ARFGEF1: variants seen among roughly 807,000 people sequenced by gnomAD.
The protein encoded by ARFGEF1 is ARF guanine nucleotide exchange factor 1, also known as brefeldin A-inhibited guanine nucleotide-exchange protein 1.
ARFGEF1 carries 42 observed loss-of-function variants against 231.0 expected under a neutral mutation model. That is an observed-to-expected ratio of 0.18 (90% CI 0.14 to 0.24). The LOEUF is 0.24. Ranked by LOEUF, ARFGEF1 falls within the 10% of genes least tolerant of loss-of-function variation. ARFGEF1 has a pLI of 1.00. For synonymous variants in ARFGEF1, 710 were observed against 732.3 expected (o/e 0.97, Z 0.49); for missense variants, 1,345 against 2,192.0 (o/e 0.61, Z 7.72).
At chr8:67,339,112 T>TAATA (rs1436601708) in intron 1 of ARFGEF1, among the ~76,000 whole-genome samples, 1 of 152,180 alleles carries the variant, frequency 6.6e-6, no homozygotes. Context: ...TAATTACAGG[T>TAATA]AATAGACTCT....
At chr8:67,265,685 TTTGAG>T (rs1256801843) in intron 14 of ARFGEF1, among the ~76,000 whole-genome samples, 5 of 152,158 alleles carry the variant, frequency 3.3e-5, no homozygotes, top group African/African-American at 1.2e-4. Flanking sequence ...TTTTAAATGT[TTTGAG>T]TTGTCACATG....
intron 14 of ARFGEF1, 62 bp downstream of exon 14, chr8:67,265,944 G>A (rs1193620157): frequency 6.7e-7 from 1 of 1,501,340 alleles, no homozygotes; most frequent in Middle Eastern, 1.8e-4. Context: ...CCCACGGCAG[G>A]GGTGGCACTA....
chr8:67,219,893 G>A (rs1563844534), intron 29 of ARFGEF1, among the ~76,000 whole-genome samples: 1 of 152,160 alleles, frequency 6.6e-6, no homozygotes, highest in East Asian at 1.9e-4. Flanking sequence ...TTAATTTTGT[G>A]GCACTGTAGC....
intron 5 of ARFGEF1, chr8:67,190,820 C>T (rs1162181559): frequency 8.1e-7 from 1 of 1,231,730 alleles, no homozygotes; most frequent in Non-Finnish European, 1.2e-6. Context: ...TGGGTTCTGA[C>T]CTGTGCTAAA....
intron 1 of ARFGEF1, among the ~76,000 whole-genome samples, chr8:67,311,394 C>A (rs1183787681): frequency 7.3e-6 from 1 of 136,988 alleles, no homozygotes; most frequent in Non-Finnish European, 1.6e-5. Context: ...GCCCAGCCAG[C>A]CGCCCCGTCC....
At chr8:67,183,003 T>C (rs531261941) in intron 5 of ARFGEF1, among the ~76,000 whole-genome samples, 2 of 152,364 alleles carry the variant, frequency 1.3e-5, no homozygotes, top group Admixed American at 1.3e-4. Context: ...TTATCTTTTC[T>C]TTTGTTGCCT....
chr8:67,260,531 A>AAACAATTT (rs1239114739), intron 14 of ARFGEF1, among the ~76,000 whole-genome samples: 8 of 152,286 alleles, frequency 5.3e-5, no homozygotes, highest in Admixed American at 1.3e-4. Flanking sequence ...GGGTGACACA[A>AAACAATTT]ACCACGTCCA....
At chr8:67,199,317 TTGTC>T (rs1331676237) in intron 38 of ARFGEF1, 2 of 466,358 alleles carry the variant, frequency 4.3e-6, no homozygotes, top group Non-Finnish European at 7.4e-6. Flanking sequence ...TGAAAAACAT[TTGTC>T]TGTATATCTT....
chr8:67,190,805 A>G, intron 5 of ARFGEF1: 1 of 1,386,846 alleles, frequency 7.2e-7, no homozygotes, highest in Non-Finnish European at 1.0e-6. Flanking sequence ...GAAGAATGAG[A>G]GGTCTGGGTT....
intron 5 of ARFGEF1, among the ~76,000 whole-genome samples, chr8:67,294,247 T>C (rs1806135096): frequency 1.3e-5 from 2 of 152,262 alleles, no homozygotes; most frequent in South Asian, 2.1e-4. Flanking sequence ...TTGGTATCCA[T>C]GGGAGGGCCC....
intron 35 of ARFGEF1, 52 bp from the exon 36 acceptor site, chr8:67,203,303 T>A: frequency 6.3e-7 from 1 of 1,583,510 alleles, no homozygotes; most frequent in Non-Finnish European, 8.6e-7. Context: ...ATAATTTTAC[T>A]TGATTTACAA....
rs183689467 is a variant in ARFGEF1 at position 67,333,925 on chromosome 8, G to A, written c.124+9239C>T. Among the ~76,000 whole-genome samples the A allele has an allele frequency of 5.9e-5, 9 of 152,096 alleles. No homozygotes were observed. In the East Asian group the frequency reaches 1.7e-3, roughly 29 times the overall value. On this transcript the variant is annotated intron_variant, in intron 1 of 38. Coordinates refer to ENST00000262215, the MANE Select transcript of ARFGEF1 (RefSeq NM_006421.5). The stretch of plus-strand genomic sequence containing the variant: ...GGCCAAGGTCAGCGGATCACCTGAG[G>A]TCAGAGTTTGAAACCAGCCTGGCCA...
chr8:67,296,822 G>T lies in ARFGEF1; in HGVS notation c.460-212C>A, dbSNP rs527602496. 7.8e-3 allele frequency among the ~76,000 whole-genome samples: 1,179 copies of T among 151,716 alleles called. 7 individuals are homozygous for T. Among genetic ancestry groups the T allele is most frequent in the Middle Eastern group, 0.014 (4 of 294 alleles). ...AGCACCACCACACCCGGCTAATTTT[G>T]TTTTATTTTTCTGTAGAGATGCAGT... is the stretch of plus-strand genomic sequence containing the variant. On this transcript the variant is annotated intron_variant, in intron 4 of 38. Coordinates refer to ENST00000262215, the MANE Select transcript of ARFGEF1 (RefSeq NM_006421.5).
chr8:67,260,865 A>G (rs1046622434), intron 14 of ARFGEF1, among the ~76,000 whole-genome samples: 3 of 152,224 alleles, frequency 2.0e-5, no homozygotes, highest in Admixed American at 1.3e-4. Context: ...TACTCCAGTG[A>G]ATACACCAGT....
chr8:67,315,605 T>C (rs755817301), intron 1 of ARFGEF1, among the ~76,000 whole-genome samples: 9 of 152,164 alleles, frequency 5.9e-5, no homozygotes, highest in African/African-American at 1.2e-4. Context: ...AATAAAAGAA[T>C]GGTTACTCCA....
intron 1 of ARFGEF1, among the ~76,000 whole-genome samples, chr8:67,318,472 A>G (rs1354432762): frequency 6.6e-6 from 1 of 152,170 alleles, no homozygotes; most frequent in African/African-American, 2.4e-5. Flanking sequence ...GACAGTGTAA[A>G]TAAGTAAATA....
At chr8:67,216,179 T>C (rs1386515663) in intron 33 of ARFGEF1, among the ~76,000 whole-genome samples, 2 of 152,208 alleles carry the variant, frequency 1.3e-5, no homozygotes, top group East Asian at 3.9e-4. Flanking sequence ...ATTGCAATGA[T>C]ATGAATGTTT....
intron 27 of ARFGEF1, 150 bp from the exon 28 acceptor site, chr8:67,226,333 A>T: frequency 1.4e-6 from 1 of 722,230 alleles, no homozygotes; most frequent in South Asian, 2.6e-5. Flanking sequence ...GACTATCTTT[A>T]CCACTTAACT....
At chr8:67,236,232 C>T (rs1839732004) in intron 22 of ARFGEF1, among the ~76,000 whole-genome samples, 1 of 142,346 alleles carries the variant, frequency 7.0e-6, no homozygotes, top group African/African-American at 2.6e-5. Flanking sequence ...GCAGGGGAAT[C>T]ACTTGAACCC....
Sources: gnomAD v4.1 joint callset for allele counts (sites outside exome capture counted in the v4.1 genomes callset) on GRCh38, gnomAD v4.1.1 for gene constraint, MANE v1.5 for transcripts, NCBI Gene and HGNC (gene_info 2026-07-23, HGNC 2026-07-21) for gene names.